The following LRBA variants were observed in gnomAD, a reference collection of about 807,000 sequenced individuals.
LRBA encodes the protein lipopolysaccharide-responsive and beige-like anchor protein.
LRBA carries 176 observed loss-of-function variants against 330.0 expected under a neutral mutation model. The observed-to-expected ratio is 0.53, with a 90% CI of 0.47 to 0.60. The LOEUF is 0.60. Among genes scored for constraint, LRBA ranks in the 20% least tolerant of loss-of-function variants. The pLI is 0.00. For synonymous variants in LRBA, 1,230 were observed against 1,193.0 expected, an observed-to-expected ratio of 1.03 and a Z score of -0.64; for missense variants, 3,259 against 3,444.8, an observed-to-expected ratio of 0.95 and a Z score of 1.35.
chr4:150,369,432 A>G (rs960534494), intron 47 of LRBA, among the ~76,000 whole-genome samples: 6 of 152,196 alleles, frequency 3.9e-5, no homozygotes, highest in African/African-American at 1.4e-4. Flanking sequence ...TTTTATAGGT[A>G]AATGTACTAT....
Position 150,639,781 on chromosome 4 carries a change from ATGTGTG to A in LRBA, c.5922-40656_5922-40651del, listed in dbSNP as rs57210930. On this transcript the variant is annotated intron_variant, in intron 37 of 56. Coordinates refer to ENST00000651943, the MANE Select transcript of LRBA (RefSeq NM_001364905.1). The stretch of plus-strand genomic sequence containing the variant: ...TATATATATATATATATATATATAT[ATGTGTG>A]TGTGTATATATATATATATGTGTGT... 4.9e-3 allele frequency among the ~76,000 whole-genome samples: 70 copies of A among 14,284 alleles called. 10 individuals carry two copies. Among genetic ancestry groups the A allele is most frequent in the African/African-American group, 0.013 (27 of 2,108 alleles). The allele number at this position is 14,284 out of a possible 152,430, so 9.4% of individuals were successfully genotyped here.
At position 150,503,037 on chromosome 4, in the gene LRBA, G is replaced by A. The variant is rs563972855; in HGVS notation, c.6331-12002C>T. On this transcript the variant is annotated intron_variant, in intron 40 of 56. Coordinates refer to ENST00000651943, the MANE Select transcript of LRBA (RefSeq NM_001364905.1). ...CCCAACATTGCCCAGGCTTGATTAGGTAAACAAAGCAGCCAGGAAGCTCGA... is the reference window on the plus strand; with the variant it reads ...CCCAACATTGCCCAGGCTTGATTAGATAAACAAAGCAGCCAGGAAGCTCGA... Among the ~76,000 whole-genome samples the A allele has an allele frequency of 2.6e-3, 402 of 152,302 alleles. 3 individuals carry two copies. The highest frequency in any genetic ancestry group is 0.017 in the Middle Eastern group (5 of 294).
intron 2 of LRBA, among the ~76,000 whole-genome samples, chr4:150,972,463 T>A (rs971557396): frequency 2.0e-5 from 3 of 152,172 alleles, no homozygotes; most frequent in African/African-American, 7.2e-5. Context: ...AAATCAACTC[T>A]TTCTCATAGT....
intron 50 of LRBA, among the ~76,000 whole-genome samples, chr4:150,316,064 C>T (rs995066171): frequency 3.9e-5 from 6 of 152,116 alleles, no homozygotes; most frequent in African/African-American, 1.4e-4. Context: ...AAAGGGAAAG[C>T]TCTAAGTCAG....
At chr4:150,280,001 C>G (rs1309040712) in intron 55 of LRBA, among the ~76,000 whole-genome samples, 2 of 152,144 alleles carry the variant, frequency 1.3e-5, no homozygotes, top group Non-Finnish European at 2.9e-5. Context: ...ATTCTTTGTT[C>G]TAGTAAAGAA....
At chr4:150,563,551 A>G (rs1768667581) in intron 40 of LRBA, among the ~76,000 whole-genome samples, 1 of 152,198 alleles carries the variant, frequency 6.6e-6, no homozygotes, top group African/African-American at 2.4e-5. Context: ...AGGCAAGAGA[A>G]AGAAATAAAG....
At chr4:150,447,689 T>C (rs958420263) in intron 44 of LRBA, among the ~76,000 whole-genome samples, 2 of 152,182 alleles carry the variant, frequency 1.3e-5, no homozygotes, top group Non-Finnish European at 2.9e-5. Context: ...CTGGAGAACC[T>C]CAAGATACCA....
chr4:150,538,231 T>C (rs918167996), intron 40 of LRBA, among the ~76,000 whole-genome samples: 2 of 152,166 alleles, frequency 1.3e-5, no homozygotes, highest in African/African-American at 4.8e-5. Flanking sequence ...AGTTTGGAGA[T>C]TTCTCAAAGA....
chr4:150,669,130 GT>G (rs1781827142), intron 37 of LRBA, among the ~76,000 whole-genome samples: 1 of 152,156 alleles, frequency 6.6e-6, no homozygotes, highest in Non-Finnish European at 1.5e-5. Context: ...TCTGTGAAAA[GT>G]GAGAGTAACT....
At chr4:150,760,059 T>C (rs752652479) in intron 35 of LRBA, among the ~76,000 whole-genome samples, 4 of 152,186 alleles carry the variant, frequency 2.6e-5, no homozygotes, top group African/African-American at 9.6e-5. Context: ...CTAAAAATTA[T>C]AAAAAATCTG....
chr4:150,968,669 T>C (rs1025509444), intron 2 of LRBA, among the ~76,000 whole-genome samples: 1 of 152,142 alleles, frequency 6.6e-6, no homozygotes, highest in African/African-American at 2.4e-5. Context: ...AAATGCAAGA[T>C]AAAGCTTCAG....
chr4:150,650,771 T>C (rs1727070071), intron 37 of LRBA, among the ~76,000 whole-genome samples: 1 of 152,144 alleles, frequency 6.6e-6, no homozygotes, highest in Non-Finnish European at 1.5e-5. Context: ...CATGATGTTT[T>C]ACTTCATTAG....
intron 30 of LRBA, among the ~76,000 whole-genome samples, chr4:150,822,578 G>A (rs888649234): frequency 6.6e-6 from 1 of 151,938 alleles, no homozygotes; most frequent in Non-Finnish European, 1.5e-5. Flanking sequence ...ACCAGCCTGG[G>A]CAACAGAGCA....
chr4:150,578,139 A>T (rs972466796), intron 40 of LRBA, among the ~76,000 whole-genome samples: 3 of 152,240 alleles, frequency 2.0e-5, no homozygotes, highest in Non-Finnish European at 4.4e-5. Context: ...TGAAGGAAAA[A>T]TACAACTGAA....
chr4:150,530,127 T>C (rs1291909403), intron 40 of LRBA, among the ~76,000 whole-genome samples: 2 of 152,218 alleles, frequency 1.3e-5, no homozygotes, highest in African/African-American at 4.8e-5. Context: ...TGTTGTCATA[T>C]ATACTCTTCA....
rs1773833087 is a variant in LRBA at position 150,599,109 on chromosome 4, G to A, written c.5944C>T (p.Leu1982Phe). ...CGCAAGTCATCTTCCCAGTAGTCAA[G>A]GCGCCAGAACTCAAGAGGACGACTA... ...AVSRPLEFWR[L>F]DYWEDDLRRR... Residue 1982 changes from leucine (L) to phenylalanine (F), a missense_variant, in exon 38 of 57, where the codon CTT (leucine) becomes TTT (phenylalanine). Leu to Phe is a conservative substitution (Grantham distance 22, BLOSUM62 0). Transcript: ENST00000651943. The A allele has an allele frequency of 6.2e-7, 1 of 1,614,018 alleles. No individual in the cohort carries two copies. The highest frequency in any genetic ancestry group is 1.3e-5 in the African/African-American group (1 of 75,034).
chr4:150,639,747 A>ATATATGTGTGTATG (rs1561456873), intron 37 of LRBA, among the ~76,000 whole-genome samples: 1 of 2,154 alleles, frequency 4.6e-4, no homozygotes, highest in East Asian at 0.019. Flanking sequence ...ATATATATAT[A>ATATATGTGTGTATG]TATATATATA....
At chr4:150,606,814 C>T (rs533421630) in intron 37 of LRBA, among the ~76,000 whole-genome samples, 7 of 152,184 alleles carry the variant, frequency 4.6e-5, no homozygotes, top group Non-Finnish European at 8.8e-5. Context: ...CCTGGGAGGA[C>T]TCAGGATTTC....
At chr4:150,765,803 C>T (rs1168088371) in intron 34 of LRBA, among the ~76,000 whole-genome samples, 1 of 152,022 alleles carries the variant, frequency 6.6e-6, no homozygotes, top group Non-Finnish European at 1.5e-5. Context: ...TATACAGAAA[C>T]TTTTAATTAC....
Sources: gnomAD v4.1 joint callset for allele counts (sites outside exome capture counted in the v4.1 genomes callset) on GRCh38, gnomAD v4.1.1 for gene constraint, MANE v1.5 for transcripts, NCBI Gene and HGNC (gene_info 2026-07-23, HGNC 2026-07-21) for gene names.